MYRIP: variants seen among roughly 807,000 people sequenced by gnomAD.
MYRIP encodes myosin VIIA and Rab interacting protein.
A neutral mutation model predicts 98.0 loss-of-function variants in MYRIP; 49 were observed. The observed-to-expected ratio is 0.50, with a 90% CI of 0.40 to 0.63. The LOEUF is 0.63. MYRIP is among the 30% of genes least tolerant of loss of function. The probability of loss-of-function intolerance (pLI) is 0.00; values close to 1 mark genes in which losing one functional copy is unlikely to be tolerated. For missense variants in MYRIP, 1,004 were observed against 1,058.2 expected (o/e 0.95, Z 0.71); for synonymous variants, 404 against 409.5 (o/e 0.99, Z 0.16).
chr3:40,041,132 G>A (rs1173959245), intron 2 of MYRIP, among the ~76,000 whole-genome samples: 1 of 144,484 alleles, frequency 6.9e-6, no homozygotes, highest in African/African-American at 2.5e-5. Context: ...GAGAAAGGAT[G>A]TTTTTCTTTG....
chr3:40,035,586 A>G (rs1947361969), intron 2 of MYRIP, among the ~76,000 whole-genome samples: 1 of 152,046 alleles, frequency 6.6e-6, no homozygotes, highest in Non-Finnish European at 1.5e-5. Context: ...GGGGCGTAAA[A>G]GAAGTATATT....
At chr3:40,028,470 T>C (rs866490182) in intron 2 of MYRIP, among the ~76,000 whole-genome samples, 1 of 152,204 alleles carries the variant, frequency 6.6e-6, no homozygotes, top group Non-Finnish European at 1.5e-5. Flanking sequence ...ATGTTATAGA[T>C]ACTTGGATCA....
intron 2 of MYRIP, among the ~76,000 whole-genome samples, chr3:39,965,330 TA>T (rs1945415175): frequency 6.6e-6 from 1 of 152,038 alleles, no homozygotes; most frequent in Admixed American, 6.6e-5. Context: ...AAAGAAAAAA[TA>T]AAGCATTTTA....
At chr3:40,004,961 C>T (rs77690715) in intron 2 of MYRIP, among the ~76,000 whole-genome samples, 4,135 of 152,134 alleles carry the variant, frequency 0.027, 196 homozygotes, top group African/African-American at 0.093. Context: ...TTTTGGAGTC[C>T]CCAGTGTCCC....
intron 10 of MYRIP, among the ~76,000 whole-genome samples, chr3:40,196,580 C>T (rs1951400226): frequency 1.3e-5 from 2 of 152,132 alleles, no homozygotes; most frequent in South Asian, 4.1e-4. Context: ...TACATAATTG[C>T]TAATGTTGGG....
chr3:40,046,067 G>C (rs1947663131), intron 3 of MYRIP, among the ~76,000 whole-genome samples: 1 of 152,098 alleles, frequency 6.6e-6, no homozygotes, highest in African/African-American at 2.4e-5. Context: ...ACAATGTCTA[G>C]AAGAAGAAGT....
At chr3:40,052,445 G>A (rs550889789) in intron 3 of MYRIP, among the ~76,000 whole-genome samples, 6 of 152,176 alleles carry the variant, frequency 3.9e-5, no homozygotes, top group African/African-American at 9.6e-5. Flanking sequence ...AATTATCACC[G>A]TGGGCTAAGA....
intron 3 of MYRIP, among the ~76,000 whole-genome samples, chr3:40,134,463 CACAG>C (rs1416906111): frequency 2.0e-5 from 3 of 152,244 alleles, no homozygotes; most frequent in Non-Finnish European, 4.4e-5. Context: ...GGGGGCAGGG[CACAG>C]ACAAACAAAA....
In MYRIP at chr3:40,259,581, C is replaced by CCTAA. The variant is rs1373982296; in HGVS notation, c.*1418_*1421dup. On this transcript the variant is annotated 3_prime_UTR_variant, in exon 17 of 17. Transcript: ENST00000302541. ...TTATGATTGGAATGCATCACAAAAGCCTAACTCTGTTGTTTTCAACCTCTA... is the reference window on the plus strand; with the variant it reads ...TTATGATTGGAATGCATCACAAAAGCCTAACTAACTCTGTTGTTTTCAACCTCTA... 1 of 152,190 alleles carries CCTAA rather than the reference C, an allele frequency of 6.6e-6. No individual in the cohort carries two copies. Among genetic ancestry groups the CCTAA allele is most frequent in the Non-Finnish European group, 1.5e-5 (1 of 68,034 alleles). 9.4% of individuals were successfully genotyped at this position (152,190 alleles called of 1,614,324 possible).
intron 3 of MYRIP, among the ~76,000 whole-genome samples, chr3:40,123,567 C>G (rs1949453168): frequency 6.6e-6 from 1 of 152,196 alleles, no homozygotes; most frequent in African/African-American, 2.4e-5. Flanking sequence ...TGCATGGTTA[C>G]CAAGTCTGAT....
intron 1 of MYRIP, among the ~76,000 whole-genome samples, chr3:39,881,806 A>G (rs1447402773): frequency 6.6e-6 from 1 of 152,130 alleles, no homozygotes; most frequent in Admixed American, 6.6e-5. Flanking sequence ...CTGTAAGCTT[A>G]GATTTCAGTT....
intron 4 of MYRIP, among the ~76,000 whole-genome samples, chr3:40,161,790 C>T (rs73067627): frequency 2.0e-5 from 3 of 152,174 alleles, no homozygotes; most frequent in Non-Finnish European, 4.4e-5. Context: ...CTCACCTCCC[C>T]CTTCCAAGCT....
intron 3 of MYRIP, chr3:40,099,994 C>G (rs1188170622): frequency 1.0e-6 from 1 of 985,116 alleles, no homozygotes; most frequent in Non-Finnish European, 1.2e-6. Flanking sequence ...CGTCACCTCC[C>G]TTCTGAAACT....
intron 2 of MYRIP, among the ~76,000 whole-genome samples, chr3:40,031,721 G>A (rs1321737668): frequency 2.6e-5 from 4 of 152,130 alleles, no homozygotes; most frequent in Non-Finnish European, 5.9e-5. Context: ...TCTTGGGAGG[G>A]TGTATGTGTC....
chr3:40,102,477 A>G (rs1010196008), intron 3 of MYRIP, among the ~76,000 whole-genome samples: 1 of 152,134 alleles, frequency 6.6e-6, no homozygotes, highest in Non-Finnish European at 1.5e-5. Context: ...GTGGCCCCAT[A>G]GGAGTTTTGA....
chr3:40,116,240 C>T (rs569897832), intron 3 of MYRIP, among the ~76,000 whole-genome samples: 7 of 152,162 alleles, frequency 4.6e-5, no homozygotes, highest in African/African-American at 1.4e-4. Flanking sequence ...CTTTAGCCAG[C>T]TTTAGCCTAG....
intron 1 of MYRIP, among the ~76,000 whole-genome samples, chr3:39,829,020 A>C (rs1232187167): frequency 6.6e-6 from 1 of 152,182 alleles, no homozygotes; most frequent in Admixed American, 6.5e-5. Context: ...ATCAAATGGT[A>C]GTTCTACTTT....
chr3:40,258,244 A>G lies in MYRIP; in HGVS notation c.*78A>G. On this transcript the variant is annotated 3_prime_UTR_variant, in exon 17 of 17. Coordinates refer to ENST00000302541, the MANE Select transcript of MYRIP (RefSeq NM_015460.4). ...TGCCTTGACCCAACAGCCATCGAGT[A>G]CTGTATGTATTTCCACCTGAGGAGA... 1 of 1,551,846 alleles carries G rather than the reference A, an allele frequency of 6.4e-7. No homozygotes were observed.
At chr3:40,072,914 T>A (rs1476395029) in intron 3 of MYRIP, among the ~76,000 whole-genome samples, 2 of 152,136 alleles carry the variant, frequency 1.3e-5, no homozygotes, top group African/African-American at 4.8e-5. Flanking sequence ...ATAGGCAAGG[T>A]TTATTAATGA....
Sources: allele counts gnomAD v4.1 joint callset (sites outside exome capture counted in the v4.1 genomes callset), GRCh38; gene constraint gnomAD v4.1.1; transcripts MANE v1.5; gene names NCBI Gene and HGNC (gene_info 2026-07-23, HGNC 2026-07-21).